The following HEMK2 variants were observed in gnomAD, a reference collection of about 807,000 sequenced individuals.
The protein encoded by HEMK2 is methyltransferase HEMK2.
At chr21:28,738,538 G>A in the HEMK2 span, among the ~76,000 whole-genome samples, 9 of 152,196 alleles carry the variant, frequency 5.9e-5, no homozygotes, top group African/African-American at 1.9e-4. Flanking sequence ...AGTGTCTCTT[G>A]TAAACACCGG....
chr21:28,648,842 A>T, the HEMK2 span, among the ~76,000 whole-genome samples: 3 of 152,122 alleles, frequency 2.0e-5, no homozygotes, highest in Non-Finnish European at 4.4e-5. Context: ...CGTGCAGGTT[A>T]GCTACATATG....
chr21:28,780,941 G>C, the HEMK2 span, among the ~76,000 whole-genome samples: 3 of 152,118 alleles, frequency 2.0e-5, no homozygotes, highest in Admixed American at 2.0e-4. Context: ...CTCCCAGATA[G>C]GCTACACTTA....
At chr21:28,831,464 A>AAAGG in the HEMK2 span, among the ~76,000 whole-genome samples, 1 of 18,756 alleles carries the variant, frequency 5.3e-5, no homozygotes, top group Non-Finnish European at 9.0e-5. Context: ...GAAAAGAACG[A>AAAGG]AAGAAAGAAA....
At chr21:28,660,824 C>T in the HEMK2 span, among the ~76,000 whole-genome samples, 1 of 151,902 alleles carries the variant, frequency 6.6e-6, no homozygotes, top group Non-Finnish European at 1.5e-5. Context: ...GCCATTAAGC[C>T]TTTTTAAAAA....
At chr21:28,744,469 G>A in the HEMK2 span, among the ~76,000 whole-genome samples, 4 of 152,222 alleles carry the variant, frequency 2.6e-5, no homozygotes, top group African/African-American at 9.6e-5. Flanking sequence ...TGGAAGGGTA[G>A]AACCTTAAGT....
At chr21:28,881,781 A>G in the HEMK2 span, among the ~76,000 whole-genome samples, 1 of 152,014 alleles carries the variant, frequency 6.6e-6, no homozygotes, top group Non-Finnish European at 1.5e-5. Context: ...ACAGGTGCGC[A>G]CAACCATGTC....
At chr21:28,809,093 C>T in the HEMK2 span, among the ~76,000 whole-genome samples, 8 of 152,210 alleles carry the variant, frequency 5.3e-5, no homozygotes, top group African/African-American at 1.7e-4. Context: ...ATAGAGGTGA[C>T]ATATTCATCA....
chr21:28,588,856 A>G, the HEMK2 span, among the ~76,000 whole-genome samples: 3 of 151,698 alleles, frequency 2.0e-5, no homozygotes, highest in Admixed American at 6.6e-5. Flanking sequence ...TGTGGTGGGC[A>G]CCTGTAGTCC....
At chr21:28,631,540 T>G in the HEMK2 span, among the ~76,000 whole-genome samples, 5 of 152,156 alleles carry the variant, frequency 3.3e-5, no homozygotes, top group African/African-American at 1.2e-4. Flanking sequence ...AGCATACAAT[T>G]TGCCCAACCC....
chr21:28,786,413 G>A, the HEMK2 span, among the ~76,000 whole-genome samples: 1 of 152,196 alleles, frequency 6.6e-6, no homozygotes, highest in African/African-American at 2.4e-5. Context: ...GCTCATGCCT[G>A]TAATCCCAGC....
At chr21:28,588,405 A>G in the HEMK2 span, among the ~76,000 whole-genome samples, 1 of 152,106 alleles carries the variant, frequency 6.6e-6, no homozygotes, top group Non-Finnish European at 1.5e-5. Flanking sequence ...CTGTGACCCA[A>G]CCCACCTGAT....
chr21:28,590,181 T>C, the HEMK2 span, among the ~76,000 whole-genome samples: 2 of 152,172 alleles, frequency 1.3e-5, no homozygotes, highest in Non-Finnish European at 2.9e-5. Flanking sequence ...TGTTGAAATG[T>C]CAACAAAGCC....
chr21:28,826,704 C>T, the HEMK2 span, among the ~76,000 whole-genome samples: 1 of 152,164 alleles, frequency 6.6e-6, no homozygotes, highest in Non-Finnish European at 1.5e-5. Flanking sequence ...CGAAAGCAAA[C>T]ACTGAACTAA....
the HEMK2 span, among the ~76,000 whole-genome samples, chr21:28,798,866 T>C: frequency 1.3e-5 from 2 of 152,330 alleles, no homozygotes; most frequent in Admixed American, 6.5e-5. Context: ...TGTGCAGCCT[T>C]AGGGCAGTTA....
At chr21:28,668,595 A>G in the HEMK2 span, among the ~76,000 whole-genome samples, 5 of 152,342 alleles carry the variant, frequency 3.3e-5, no homozygotes, top group Admixed American at 3.3e-4. Context: ...TCACATGACC[A>G]GGTCCAATAG....
chr21:28,702,949 G>C, the HEMK2 span, among the ~76,000 whole-genome samples: 1 of 152,004 alleles, frequency 6.6e-6, no homozygotes, highest in African/African-American at 2.4e-5. Context: ...CAAAATGTGT[G>C]ACATATACAC....
At chr21:28,882,834 T>C in the HEMK2 span, 18 of 441,476 alleles carry the variant, frequency 4.1e-5, no homozygotes, top group Non-Finnish European at 6.5e-5. Context: ...AGTTTGAACA[T>C]GAATAATTTT....
At chr21:28,833,509 C>T in the HEMK2 span, among the ~76,000 whole-genome samples, 1 of 152,248 alleles carries the variant, frequency 6.6e-6, no homozygotes, top group Admixed American at 6.5e-5. Context: ...CCAAGAATGA[C>T]TTACCAGGTA....
At chr21:28,772,909 A>G in the HEMK2 span, among the ~76,000 whole-genome samples, 1 of 152,190 alleles carries the variant, frequency 6.6e-6, no homozygotes, top group Non-Finnish European at 1.5e-5. Flanking sequence ...CATGTTATTC[A>G]TTTTGCATCT....
Sources: allele counts gnomAD v4.1 joint callset (sites outside exome capture counted in the v4.1 genomes callset), GRCh38; gene constraint gnomAD v4.1.1; transcripts MANE v1.5; gene names NCBI Gene and HGNC (gene_info 2026-07-23, HGNC 2026-07-21).